SGCZ: variants seen among roughly 807,000 people sequenced by gnomAD.
The protein encoded by SGCZ is zeta-sarcoglycan.
Under a neutral mutation model 41.3 loss-of-function variants are expected in SGCZ, and 40 were observed. That is an observed-to-expected ratio of 0.97 (90% CI 0.75 to 1.26). The LOEUF is 1.26. Among genes scored for constraint, SGCZ ranks in the 50% most tolerant of loss-of-function variants. The pLI, the probability that SGCZ is intolerant of heterozygous loss-of-function variation, is 0.00. For synonymous variants in SGCZ, 206 were observed against 137.5 expected (o/e 1.50, Z -3.49); for missense variants, 552 against 369.8 (o/e 1.49, Z -4.04).
chr8:14,732,081 G>T (rs1340719556), intron 1 of SGCZ, among the ~76,000 whole-genome samples: 1 of 152,184 alleles, frequency 6.6e-6, no homozygotes, highest in Admixed American at 6.5e-5. Context: ...TATTGCTTCT[G>T]AAGTTAGCCT....
intron 4 of SGCZ, among the ~76,000 whole-genome samples, chr8:14,224,846 G>C (rs1806318636): frequency 2.0e-5 from 3 of 152,040 alleles, no homozygotes; most frequent in Admixed American, 2.0e-4. Context: ...AAAACTACTT[G>C]CTCTTGTTAC....
At chr8:14,213,169 T>A (rs1418528621) in intron 4 of SGCZ, among the ~76,000 whole-genome samples, 1 of 152,044 alleles carries the variant, frequency 6.6e-6, no homozygotes. Flanking sequence ...GACAAAATCT[T>A]TCCAACTTGT....
At position 14,292,121 on chromosome 8, in the gene SGCZ, A is replaced by G. The variant is rs147589429; in HGVS notation, c.336+31982T>C. Among the ~76,000 whole-genome samples, 9 of 152,250 alleles carry G rather than the reference A, an allele frequency of 5.9e-5. No homozygotes were observed. The South Asian group carries it at 1.9e-3, about 31-fold the overall frequency. On this transcript the variant is annotated intron_variant, in intron 3 of 7. Coordinates refer to ENST00000382080, the MANE Select transcript of SGCZ (RefSeq NM_139167.4). ...AATTTAGTGTTTTATTTTACCAAGC[A>G]TCATTAATTAATCAATGTAATAAAA...
At chr8:14,788,522 A>G (rs763808014) in intron 1 of SGCZ, among the ~76,000 whole-genome samples, 2 of 152,216 alleles carry the variant, frequency 1.3e-5, no homozygotes, top group Non-Finnish European at 1.5e-5. Flanking sequence ...ACAGTAGCTT[A>G]ACTTTTTAAC....
At chr8:14,834,821 C>G (rs185531287) in intron 1 of SGCZ, among the ~76,000 whole-genome samples, 1 of 152,298 alleles carries the variant, frequency 6.6e-6, no homozygotes, top group Non-Finnish European at 1.5e-5. Context: ...GACTCGGATA[C>G]TGATTTAATC....
intron 4 of SGCZ, among the ~76,000 whole-genome samples, chr8:14,231,196 T>TGTGTGTGTGTGTGG (rs1554483289): frequency 4.9e-5 from 5 of 101,344 alleles, no homozygotes; most frequent in South Asian, 3.2e-4. Context: ...TGTGTGTGTG[T>TGTGTGTGTGTGTGG]AGTGGGGAGA....
intron 1 of SGCZ, among the ~76,000 whole-genome samples, chr8:14,984,123 T>C (rs751688876): frequency 2.0e-4 from 31 of 152,152 alleles, no homozygotes; most frequent in Non-Finnish European, 1.0e-4. Context: ...CACATAAATA[T>C]AGAGAGCGCT....
At chr8:15,074,850 C>T (rs1805472319) in intron 1 of SGCZ, among the ~76,000 whole-genome samples, 1 of 152,132 alleles carries the variant, frequency 6.6e-6, no homozygotes, top group South Asian at 2.1e-4. Context: ...AGTCACTCAC[C>T]CCCAGTACAC....
At chr8:14,563,277 G>C (rs149936450) in intron 1 of SGCZ, among the ~76,000 whole-genome samples, 1 of 152,158 alleles carries the variant, frequency 6.6e-6, no homozygotes, top group Non-Finnish European at 1.5e-5. Context: ...CATTCCTTCA[G>C]TGAGGTTTTA....
chr8:14,594,881 T>C (rs2117295319), intron 1 of SGCZ, among the ~76,000 whole-genome samples: 1 of 152,068 alleles, frequency 6.6e-6, no homozygotes, highest in South Asian at 2.1e-4. Flanking sequence ...TTTCTGTGTC[T>C]CTATTACAGA....
chr8:14,244,723 G>A (rs1460556961), intron 3 of SGCZ, among the ~76,000 whole-genome samples: 2 of 151,954 alleles, frequency 1.3e-5, no homozygotes, highest in Non-Finnish European at 2.9e-5. Flanking sequence ...TCCTACCCAT[G>A]AGCATGGAAT....
intron 1 of SGCZ, among the ~76,000 whole-genome samples, chr8:15,098,903 CA>C (rs1270038898): frequency 3.3e-5 from 5 of 152,046 alleles, no homozygotes; most frequent in African/African-American, 1.2e-4. Context: ...TACTTAAATA[CA>C]AAAATTAGCC....
At chr8:14,612,868 T>G (rs975533053) in intron 1 of SGCZ, among the ~76,000 whole-genome samples, 1 of 152,130 alleles carries the variant, frequency 6.6e-6, no homozygotes, top group African/African-American at 2.4e-5. Context: ...TGTATTTTAG[T>G]AGATACGGGG....
intron 2 of SGCZ, among the ~76,000 whole-genome samples, chr8:14,445,955 G>T (rs538969197): frequency 1.3e-5 from 2 of 152,162 alleles, no homozygotes; most frequent in Admixed American, 6.6e-5. Context: ...TCCTGGAGTG[G>T]CTGGCCAGAT....
intron 1 of SGCZ, among the ~76,000 whole-genome samples, chr8:15,102,238 C>T (rs1480513184): frequency 6.6e-6 from 1 of 152,076 alleles, no homozygotes; most frequent in African/African-American, 2.4e-5. Context: ...AATTAGCTTC[C>T]AAGCCATGGA....
At chr8:14,462,654 AC>A (rs1800934520) in intron 2 of SGCZ, among the ~76,000 whole-genome samples, 1 of 151,936 alleles carries the variant, frequency 6.6e-6, no homozygotes, top group South Asian at 2.1e-4. Flanking sequence ...GGAAGTATGA[AC>A]GCTTCCACTT....
At chr8:15,080,793 C>T (rs1805716710) in intron 1 of SGCZ, among the ~76,000 whole-genome samples, 1 of 152,022 alleles carries the variant, frequency 6.6e-6, no homozygotes, top group Admixed American at 6.6e-5. Context: ...GGGGTTTCAC[C>T]ATGTTGGCCA....
chr8:14,752,302 G>C (rs1024387097), intron 1 of SGCZ, among the ~76,000 whole-genome samples: 2 of 152,016 alleles, frequency 1.3e-5, no homozygotes, highest in African/African-American at 4.8e-5. Flanking sequence ...ATTTCCACTA[G>C]CTATTTATTA....
intron 5 of SGCZ, among the ~76,000 whole-genome samples, chr8:14,131,348 C>T (rs1343083485): frequency 6.6e-6 from 1 of 152,060 alleles, no homozygotes; most frequent in Non-Finnish European, 1.5e-5. Context: ...GCAGTAGGCC[C>T]CCAGAAATGC....
Sources: gnomAD v4.1 joint callset for allele counts (sites outside exome capture counted in the v4.1 genomes callset) on GRCh38, gnomAD v4.1.1 for gene constraint, MANE v1.5 for transcripts, NCBI Gene and HGNC (gene_info 2026-07-23, HGNC 2026-07-21) for gene names.